CACNA2D3: variants seen among roughly 807,000 people sequenced by gnomAD.
CACNA2D3 encodes voltage-dependent calcium channel subunit alpha-2/delta-3.
Under a neutral mutation model 160.6 loss-of-function variants are expected in CACNA2D3, and 60 were observed. The observed-to-expected ratio is 0.37, with a 90% CI of 0.30 to 0.46. The LOEUF is 0.46. Among genes scored for constraint, CACNA2D3 ranks in the 20% least tolerant of loss-of-function variants. CACNA2D3 has a pLI of 1.00. For missense variants in CACNA2D3, 1,205 were observed against 1,365.0 expected (o/e 0.88, Z 1.85); for synonymous variants, 558 against 492.9 (o/e 1.13, Z -1.75).
intron 5 of CACNA2D3, among the ~76,000 whole-genome samples, chr3:54,521,003 A>G (rs535597430): frequency 6.9e-6 from 1 of 145,692 alleles, no homozygotes; most frequent in East Asian, 2.0e-4. Flanking sequence ...TTGTTTATCC[A>G]TTCATCTGTT....
Position 54,167,478 on chromosome 3 carries a change from G to A in CACNA2D3, c.204+43884G>A, listed in dbSNP as rs530483791. Among the ~76,000 whole-genome samples the A allele has an allele frequency of 5.3e-5, 8 of 152,304 alleles. No homozygotes were observed. The East Asian group carries it at 1.5e-3, about 29-fold the overall frequency. ...ACCGCAGAGCCTGGGGATTTGTAAT[G>A]ACTAAGCTCAGGTTTGGGAGATAAT... On this transcript the variant is annotated intron_variant, in intron 2 of 37. Coordinates refer to ENST00000474759, the MANE Select transcript of CACNA2D3 (RefSeq NM_018398.3).
At chr3:54,808,546 C>T (rs1703195980) in intron 13 of CACNA2D3, among the ~76,000 whole-genome samples, 2 of 152,132 alleles carry the variant, frequency 1.3e-5, no homozygotes. Flanking sequence ...GAGCCAGTTG[C>T]TGTGGCCGAG....
At chr3:54,763,087 CAAAAAAAA>C (rs10662094) in intron 12 of CACNA2D3, among the ~76,000 whole-genome samples, 1 of 120,682 alleles carries the variant, frequency 8.3e-6, no homozygotes, top group African/African-American at 3.2e-5. Flanking sequence ...GACTCCATCT[CAAAAAAAA>C]AAAAAAAGAA....
intron 3 of CACNA2D3, chr3:54,385,894 A>G: frequency 2.0e-6 from 1 of 502,490 alleles, no homozygotes; most frequent in Non-Finnish European, 4.0e-6. Context: ...TTAGTTTGAT[A>G]TAATTTCAGT....
chr3:55,050,204 G>T (rs980206609), intron 35 of CACNA2D3, among the ~76,000 whole-genome samples: 5 of 150,312 alleles, frequency 3.3e-5, no homozygotes, highest in African/African-American at 4.9e-5. Flanking sequence ...AGTCTCGATG[G>T]TCTTTACATT....
At chr3:54,956,422 T>C (rs1342639857) in intron 27 of CACNA2D3, among the ~76,000 whole-genome samples, 1 of 152,244 alleles carries the variant, frequency 6.6e-6, no homozygotes, top group Non-Finnish European at 1.5e-5. Flanking sequence ...TACCAGTTTT[T>C]GTTTTAACCT....
chr3:54,918,142 C>T (rs1700706406), intron 27 of CACNA2D3: 1 of 224,212 alleles, frequency 4.5e-6, no homozygotes, highest in Non-Finnish European at 8.8e-6. Flanking sequence ...GAACTTAATC[C>T]ACAGAAGAGT....
intron 34 of CACNA2D3, among the ~76,000 whole-genome samples, chr3:55,010,327 C>T (rs753396625): frequency 6.6e-6 from 1 of 152,010 alleles, no homozygotes; most frequent in Non-Finnish European, 1.5e-5. Context: ...TACACCAAAC[C>T]CTCGAGACAT....
At chr3:55,056,715 A>G (rs1430907896) in intron 35 of CACNA2D3, among the ~76,000 whole-genome samples, 14 of 152,194 alleles carry the variant, frequency 9.2e-5, no homozygotes, top group Admixed American at 9.2e-4. Flanking sequence ...AGAAAGACAA[A>G]TACTGCATGT....
intron 11 of CACNA2D3, among the ~76,000 whole-genome samples, chr3:54,645,414 C>T (rs529244954): frequency 6.6e-6 from 1 of 152,354 alleles, no homozygotes; most frequent in East Asian, 1.9e-4. Flanking sequence ...TGTAGTTTCT[C>T]TCATAATAGG....
chr3:54,667,210 A>C (rs1700083068), intron 11 of CACNA2D3, among the ~76,000 whole-genome samples: 1 of 150,538 alleles, frequency 6.6e-6, no homozygotes, highest in African/African-American at 2.5e-5. Context: ...TCATGTAAAA[A>C]GGACCCTACC....
At chr3:54,962,037 C>T (rs1029726537) in intron 27 of CACNA2D3, among the ~76,000 whole-genome samples, 4 of 149,394 alleles carry the variant, frequency 2.7e-5, no homozygotes, top group Non-Finnish European at 4.5e-5. Flanking sequence ...TCCACCAGTC[C>T]CACTCTCATG....
At chr3:54,658,033 A>T (rs13096365) in intron 11 of CACNA2D3, among the ~76,000 whole-genome samples, 1 of 152,108 alleles carries the variant, frequency 6.6e-6, no homozygotes, top group African/African-American at 2.4e-5. Flanking sequence ...AAAAAGAAAA[A>T]AGAAATTATA....
intron 2 of CACNA2D3, among the ~76,000 whole-genome samples, chr3:54,270,817 T>C (rs1702607827): frequency 6.6e-6 from 1 of 152,232 alleles, no homozygotes; most frequent in African/African-American, 2.4e-5. Context: ...TTGCAGCTCC[T>C]TCAGGCTGCC....
chr3:54,859,972 G>GCACACACA (rs1553891454), intron 17 of CACNA2D3, among the ~76,000 whole-genome samples: 3,726 of 133,754 alleles, frequency 0.028, 52 homozygotes, highest in African/African-American at 0.041. Flanking sequence ...GAAAGTAGAT[G>GCACACACA]CACACACACA....
chr3:54,717,685 TGTGC>T (rs1189468210), intron 11 of CACNA2D3, among the ~76,000 whole-genome samples: 1 of 146,356 alleles, frequency 6.8e-6, no homozygotes, highest in African/African-American at 2.5e-5. Context: ...GTGTGTGGTG[TGTGC>T]GTGCGTGTGT....
chr3:54,741,475 T>C (rs1482445930), intron 11 of CACNA2D3, among the ~76,000 whole-genome samples: 1 of 152,026 alleles, frequency 6.6e-6, no homozygotes, highest in Non-Finnish European at 1.5e-5. Flanking sequence ...AGTAACTTGC[T>C]GGGCAAGGTG....
intron 2 of CACNA2D3, among the ~76,000 whole-genome samples, chr3:54,172,887 C>A (rs987315296): frequency 6.6e-6 from 1 of 152,190 alleles, no homozygotes; most frequent in South Asian, 2.1e-4. Context: ...AAGACCAACA[C>A]TTAACCAAAT....
intron 27 of CACNA2D3, among the ~76,000 whole-genome samples, chr3:54,929,783 G>T (rs1184760736): frequency 6.6e-6 from 1 of 151,958 alleles, no homozygotes; most frequent in East Asian, 1.9e-4. Flanking sequence ...TCTGTTTCAG[G>T]TGCACAGAAT....
Sources: allele counts gnomAD v4.1 joint callset (sites outside exome capture counted in the v4.1 genomes callset), GRCh38; gene constraint gnomAD v4.1.1; transcripts MANE v1.5; gene names NCBI Gene and HGNC (gene_info 2026-07-23, HGNC 2026-07-21).